The following FAM117A variants were observed in gnomAD, a reference collection of about 807,000 sequenced individuals.
FAM117A encodes protein FAM117A.
A neutral mutation model predicts 44.1 loss-of-function variants in FAM117A; 21 were observed. That is an observed-to-expected ratio of 0.48 (90% CI 0.34 to 0.69). FAM117A has a LOEUF of 0.69. Among genes scored for constraint, FAM117A ranks in the 30% least tolerant of loss-of-function variants. The probability of loss-of-function intolerance (pLI) is 0.01; values close to 1 mark genes in which losing one functional copy is unlikely to be tolerated. For missense variants in FAM117A, 498 were observed against 589.9 expected (o/e 0.84, Z 1.61); for synonymous variants, 220 against 238.3 (o/e 0.92, Z 0.71).
Position 49,770,214 on chromosome 17 carries a change from G to T in FAM117A, c.-621+18283C>A, listed in dbSNP as rs531517397. On this transcript the variant is annotated intron_variant, in intron 1 of 7. Transcript: ENST00000513602. Reference sequence around the variant, plus strand: ...CAACCCAGGAGGCAGAGGTTGCCGTGAGCTGAGATCGCGCCACTGCACTCC... The same window carrying T: ...CAACCCAGGAGGCAGAGGTTGCCGTTAGCTGAGATCGCGCCACTGCACTCC... 2.1e-5 allele frequency among the ~76,000 whole-genome samples: 3 copies of T among 143,998 alleles called. No individual in the cohort carries two copies. In the East Asian group the frequency reaches 6.3e-4, roughly 30 times the overall value. 94.5% of individuals were successfully genotyped at this position (143,998 alleles called of 152,430 possible).
At chr17:49,739,546 T>A (rs1354760141) in intron 1 of FAM117A, among the ~76,000 whole-genome samples, 2 of 152,196 alleles carry the variant, frequency 1.3e-5, no homozygotes, top group Admixed American at 6.5e-5. Flanking sequence ...CTTGGGTTTA[T>A]CCTCCATGGG....
intron 1 of FAM117A, among the ~76,000 whole-genome samples, chr17:49,779,749 T>A (rs913751098): frequency 1.3e-5 from 2 of 152,176 alleles, no homozygotes; most frequent in Non-Finnish European, 2.9e-5. Context: ...TATATACATA[T>A]CCTTGATAGT....
intron 1 of FAM117A, among the ~76,000 whole-genome samples, chr17:49,749,497 A>AG (rs1378817244): frequency 3.0e-4 from 43 of 145,094 alleles, no homozygotes; most frequent in Non-Finnish European, 4.5e-4. Context: ...GAATCGCCTG[A>AG]ATCTGGGAGG....
intron 1 of FAM117A, among the ~76,000 whole-genome samples, chr17:49,745,652 T>C (rs1403910610): frequency 6.6e-6 from 1 of 152,092 alleles, no homozygotes; most frequent in Non-Finnish European, 1.5e-5. Context: ...AACTTCCCAT[T>C]TACAGGAAAT....
chr17:49,747,418 C>A (rs1185750472), intron 1 of FAM117A, among the ~76,000 whole-genome samples: 1 of 152,168 alleles, frequency 6.6e-6, no homozygotes, highest in Non-Finnish European at 1.5e-5. Flanking sequence ...CTGCTCCTAA[C>A]CCTGACTGAT....
Position 49,763,975 on chromosome 17 carries a change from C to G in FAM117A, c.113G>C (p.Arg38Pro). 8.2e-7 allele frequency: 1 copy of G among 1,222,386 alleles called. No individual in the cohort carries two copies. The highest frequency in any genetic ancestry group is 1.0e-6 in the Non-Finnish European group (1 of 982,276). The allele number at this position is 1,222,386 out of a possible 1,614,324, so 75.7% of individuals were successfully genotyped here. A position where few individuals can be genotyped will look rare whatever the true frequency, so the allele number is the denominator to read the frequency against. Residue 38 changes from arginine to proline, a missense_variant, in exon 1 of 8, where the codon CGG (arginine) becomes CCG (proline). By Grantham distance (103) the Arg-to-Pro change is moderately radical. Around this residue, in one of 3 missense-constraint regions of FAM117A, gnomAD observed 270 missense variants for 277.4 expected, o/e 0.97. Coordinates refer to ENST00000240364, the MANE Select transcript of FAM117A (RefSeq NM_030802.4). ...CSPPAPAGSPRAGLQPLRATI... is the reference protein window; with the variant it reads ...CSPPAPAGSPPAGLQPLRATI... Reference sequence around the variant, plus strand: ...GGCCCTGAGCGGCTGCAGCCCAGCCCGGGGGGAGCCGGCGGGGGCTGGGGG... The same window carrying G: ...GGCCCTGAGCGGCTGCAGCCCAGCCGGGGGGGAGCCGGCGGGGGCTGGGGG...
At chr17:49,748,006 A>G (rs1020619912) in intron 1 of FAM117A, among the ~76,000 whole-genome samples, 2 of 152,148 alleles carry the variant, frequency 1.3e-5, no homozygotes, top group Non-Finnish European at 2.9e-5. Flanking sequence ...CCTACCCTCA[A>G]TATATGCTGA....
At chr17:49,753,297 G>A (rs1006698292) in intron 1 of FAM117A, among the ~76,000 whole-genome samples, 9 of 152,170 alleles carry the variant, frequency 5.9e-5, no homozygotes, top group African/African-American at 1.9e-4. Flanking sequence ...AATTCACAAC[G>A]GACTTTTTCT....
At chr17:49,788,654 A>AAAAGCG, upstream of FAM117A, 1 of 566,062 alleles carries the variant, frequency 1.8e-6, no homozygotes. Context: ...AAGTGAAGGA[A>AAAAGCG]AAAGCGCTTC....
upstream of FAM117A, among the ~76,000 whole-genome samples, chr17:49,768,164 A>G (rs541425816): frequency 3.9e-5 from 6 of 152,270 alleles, no homozygotes; most frequent in Non-Finnish European, 5.9e-5. Flanking sequence ...CAAGGGTCTA[A>G]GAGATTACCA....
At chr17:49,763,599 C>G (rs1331853715) in intron 1 of FAM117A, among the ~76,000 whole-genome samples, 1 of 151,700 alleles carries the variant, frequency 6.6e-6, no homozygotes, top group Non-Finnish European at 1.5e-5. Context: ...TCACCCCACA[C>G]GACACCTCTG....
upstream of FAM117A, chr17:49,789,016 A>G: frequency 3.7e-6 from 2 of 535,226 alleles, no homozygotes; most frequent in South Asian, 4.0e-5. Flanking sequence ...TGTGGGCCCG[A>G]CCCTGGCCTC....
At chr17:49,741,011 G>A (rs1014530627) in intron 1 of FAM117A, among the ~76,000 whole-genome samples, 8 of 152,080 alleles carry the variant, frequency 5.3e-5, no homozygotes, top group African/African-American at 1.2e-4. Context: ...TCTAGGGGAC[G>A]TGCTCCACTT....
intron 1 of FAM117A, among the ~76,000 whole-genome samples, chr17:49,752,862 A>G (rs1264767488): frequency 1.3e-5 from 2 of 151,702 alleles, no homozygotes; most frequent in African/African-American, 4.8e-5. Flanking sequence ...CCCAGTTTCC[A>G]ATTCTTTTTT....
intron 1 of FAM117A, among the ~76,000 whole-genome samples, chr17:49,735,014 G>A (rs1038982495): frequency 6.6e-6 from 1 of 152,102 alleles, no homozygotes; most frequent in Non-Finnish European, 1.5e-5. Context: ...GGAGGAGGAG[G>A]GGGAGTAGGA....
At chr17:49,745,588 A>C (rs2073651704) in intron 1 of FAM117A, among the ~76,000 whole-genome samples, 1 of 152,202 alleles carries the variant, frequency 6.6e-6, no homozygotes, top group Non-Finnish European at 1.5e-5. Context: ...AGCTTTATCC[A>C]TGAGATGTTC....
upstream of FAM117A, chr17:49,789,089 G>A: frequency 2.5e-6 from 1 of 396,786 alleles, no homozygotes; most frequent in Non-Finnish European, 4.6e-6. Context: ...CTTATTAATT[G>A]GTCGCTGAAA....
At chr17:49,777,165 G>C (rs1425288252) in intron 1 of FAM117A, among the ~76,000 whole-genome samples, 1 of 152,164 alleles carries the variant, frequency 6.6e-6, no homozygotes, top group African/African-American at 2.4e-5. Flanking sequence ...TTTTCTCCCT[G>C]CTTAGCTTGC....
chr17:49,761,801 G>C (rs978783356), intron 1 of FAM117A, among the ~76,000 whole-genome samples: 2 of 152,294 alleles, frequency 1.3e-5, no homozygotes, highest in Non-Finnish European at 2.9e-5. Flanking sequence ...CAGAGGCCAG[G>C]TACATTCCCC....
Sources: allele counts gnomAD v4.1 joint callset (sites outside exome capture counted in the v4.1 genomes callset), GRCh38; gene constraint gnomAD v4.1.1; regional missense constraint gnomAD v4.1.1; transcripts MANE v1.5; gene names NCBI Gene and HGNC (gene_info 2026-07-23, HGNC 2026-07-21).